The following NCOR2 variants were observed in gnomAD, a reference collection of about 807,000 sequenced individuals.
NCOR2 encodes the protein CTG repeat protein 26.
In NCOR2, 81 loss-of-function variants were observed where a neutral mutation model predicts 262.9. The ratio of observed to expected loss-of-function variants is 0.31; its 90% CI spans 0.26 to 0.37. The LOEUF is 0.37. Ranked by LOEUF, NCOR2 falls within the 10% of genes least tolerant of loss-of-function variation. The probability of loss-of-function intolerance (pLI) is 1.00; values close to 1 mark genes in which losing one functional copy is unlikely to be tolerated. For synonymous variants in NCOR2, 1,659 were observed against 1,559.3 expected, an observed-to-expected ratio of 1.06 and a Z score of -1.51; for missense variants, 3,385 against 3,621.4, an observed-to-expected ratio of 0.93 and a Z score of 1.68.
rs747503679 is a variant in NCOR2, at chr12:124,334,635, G to T, written c.6412-18C>A. 44 of 1,352,660 alleles carry T rather than the reference G, an allele frequency of 3.3e-5. No homozygotes were observed. The South Asian group carries it at 6.2e-4, about 19-fold the overall frequency. 83.8% of individuals were successfully genotyped at this position (1,352,660 alleles called of 1,614,324 possible). A position where few individuals can be genotyped will look rare whatever the true frequency, so the allele number is the denominator to read the frequency against. On this transcript the variant is annotated intron_variant, in intron 40 of 46. Transcript: ENST00000405201. ...ATGACCTCCTGCAGGCAAGTGGGGG[G>T]GCCCAGAGTCAGGCAGCACTCTCCT...
At chr12:124,425,245 C>T (rs991367784) in intron 11 of NCOR2, among the ~76,000 whole-genome samples, 15 of 151,966 alleles carry the variant, frequency 9.9e-5, no homozygotes, top group Non-Finnish European at 2.1e-4. Context: ...ATGGTGGTGG[C>T]CGCCTGTAGT....
At position 124,384,590 on chromosome 12, in the gene NCOR2, G is replaced by A. The variant is rs574624371; in HGVS notation, c.2019+1155C>T. On this transcript the variant is annotated intron_variant, in intron 17 of 46. Coordinates refer to ENST00000405201, the Ensembl canonical transcript of NCOR2. ...CACTAAGAACCCACTCGGGAGGGTG[G>A]AAGGATGTCCTTAAATTCTGCACAG... is the stretch of plus-strand genomic sequence containing the variant. 3.4e-4 allele frequency among the ~76,000 whole-genome samples: 52 copies of A among 152,272 alleles called. No homozygotes were observed. The Middle Eastern group carries it at 0.01, about 30-fold the overall frequency.
At chr12:124,405,767 G>A (rs2042241644) in intron 13 of NCOR2, among the ~76,000 whole-genome samples, 1 of 152,192 alleles carries the variant, frequency 6.6e-6, no homozygotes, top group South Asian at 2.1e-4. Context: ...GGGGGACCCG[G>A]CAGCCGGCTC....
Position 124,342,084 on chromosome 12 carries a change from A to G in NCOR2, c.4937-10T>C. 6.2e-7 allele frequency: 1 copy of G among 1,600,802 alleles called. No homozygotes were observed. The highest frequency in any genetic ancestry group is 8.5e-7 in the Non-Finnish European group (1 of 1,173,474). On this transcript the variant is annotated splice_polypyrimidine_tract_variant and intron_variant, in intron 33 of 46. Transcript: ENST00000405201. ...AGGTAGTAGGCAGCGGCTGCGGGGC[A>G]GAGGGGAGCTCATGTGAGGCCAGCC...
intron 2 of NCOR2, among the ~76,000 whole-genome samples, chr12:124,484,628 C>T (rs932507876): frequency 6.6e-6 from 1 of 152,240 alleles, no homozygotes; most frequent in Non-Finnish European, 1.5e-5. Context: ...AGGGCCTTTG[C>T]ACCTGCTGGG....
At chr12:124,392,485 AC>A (rs2041378041) in intron 16 of NCOR2, among the ~76,000 whole-genome samples, 1 of 151,230 alleles carries the variant, frequency 6.6e-6, no homozygotes, top group African/African-American at 2.4e-5. Flanking sequence ...CTGGTATACC[AC>A]CCCTCCTGAG....
At chr12:124,473,003 G>C in exon 4 of NCOR2, 1 of 1,614,116 alleles carries the variant, frequency 6.2e-7, no homozygotes, top group Non-Finnish European at 8.5e-7. Context: ...TGATCTCTCG[G>C]TCCACGCGGT....
chr12:124,495,300 T>A, upstream of NCOR2: 1 of 1,571,470 alleles, frequency 6.4e-7, no homozygotes, highest in Non-Finnish European at 8.6e-7. The surrounding 1 kb of genome is among the most constrained non-coding windows in gnomAD (Gnocchi z 4.4). Context: ...ATAAGCTTTC[T>A]CTTAATCACC....
chr12:124,480,807 C>T (rs1034997162), intron 3 of NCOR2, among the ~76,000 whole-genome samples: 7 of 101,452 alleles, frequency 6.9e-5, no homozygotes, highest in Non-Finnish European at 9.7e-5. Context: ...GGACTCCAGG[C>T]GAGTGGGGGA....
chr12:124,493,401 G>A (rs2048200906), intron 1 of NCOR2, among the ~76,000 whole-genome samples: 1 of 152,218 alleles, frequency 6.6e-6, no homozygotes, highest in Admixed American at 6.5e-5. Flanking sequence ...AGAGCGGGCT[G>A]GCCCTGAGCC....
rs571881385 is a variant in NCOR2, at chr12:124,473,737, CTG to C, written c.412-608_412-607del. Among the ~76,000 whole-genome samples the C allele has an allele frequency of 2.4e-4, 37 of 152,298 alleles. 2 individuals carry two copies. In the South Asian group the frequency reaches 7.7e-3, roughly 32 times the overall value. On this transcript the variant is annotated intron_variant, in intron 3 of 46. Transcript: ENST00000405201. The stretch of plus-strand genomic sequence containing the variant: ...GTGAGCCCTCCACAGCCACATGGAA[CTG>C]TGAGTACAATTAAACCTCTTTCTTT...
At chr12:124,365,084 G>C (rs1036514173) in intron 20 of NCOR2, among the ~76,000 whole-genome samples, 1 of 152,120 alleles carries the variant, frequency 6.6e-6, no homozygotes, top group African/African-American at 2.4e-5. Flanking sequence ...TGGGGGTATG[G>C]AAGCAGCCCG....
At position 124,523,808 on chromosome 12, in the gene NCOR2, GC is replaced by G. The variant is rs979799570; in HGVS notation, c.-118+11756del. On this transcript the variant is annotated intron_variant, in intron 1 of 46. Coordinates refer to the NCOR2 transcript ENST00000404621. This position sits in a 1 kb window ranked among gnomAD's most constrained non-coding sequence, Gnocchi z 4.0. ...CATTAATACATACTGGGAAACTGAG[GC>G]AGAGAGCAGTGAAGTGACTTGCCCA... is the stretch of plus-strand genomic sequence containing the variant. 6.6e-6 allele frequency among the ~76,000 whole-genome samples: 1 copy of G among 152,180 alleles called. No homozygotes were observed. Among genetic ancestry groups the G allele is most frequent in the African/African-American group, 2.4e-5 (1 of 41,422 alleles).
intron 1 of NCOR2, among the ~76,000 whole-genome samples, chr12:124,541,832 GA>G (rs556194393): frequency 7.7e-4 from 15 of 19,566 alleles, no homozygotes; most frequent in Non-Finnish European, 1.2e-3. Context: ...GATGGAGGGG[GA>G]TGGGGAGTGG....
chr12:124,330,791 G>C, intron 44 of NCOR2, 54 bp downstream of exon 46: 1 of 1,533,026 alleles, frequency 6.5e-7, no homozygotes, highest in Non-Finnish European at 8.9e-7. Flanking sequence ...AGCAGGGGTG[G>C]GGAGGGAGCG....
At position 124,378,432 on chromosome 12, in the gene NCOR2, G is replaced by C. The variant is rs983971187; in HGVS notation, c.2020-48C>G. On this transcript the variant is annotated intron_variant, in intron 17 of 46. Coordinates refer to ENST00000405201, the Ensembl canonical transcript of NCOR2. This position sits in a 1 kb window ranked among gnomAD's most constrained non-coding sequence, Gnocchi z 4.2. Reference sequence around the variant, plus strand: ...ATCAGGACTGGGGCCTGGGCTGTCAGCTCGGGGACTCCCCATGCCTGGGGC... The same window carrying C: ...ATCAGGACTGGGGCCTGGGCTGTCACCTCGGGGACTCCCCATGCCTGGGGC... 1.9e-6 allele frequency: 3 copies of C among 1,551,828 alleles called. No individual in the cohort carries two copies. In the Admixed American group the frequency reaches 5.5e-5, roughly 29 times the overall value.
In NCOR2 at chr12:124,534,085, G is replaced by A. The variant is rs191388469; in HGVS notation, c.-118+1480C>T. The stretch of plus-strand genomic sequence containing the variant: ...GTTCCCAGGCTACCACCTGTACGGC[G>A]TGTGGCTGGACTGACTCCCACAGGC... On this transcript the variant is annotated intron_variant, in intron 1 of 46. Transcript: ENST00000404621. 1.4e-3 allele frequency among the ~76,000 whole-genome samples: 210 copies of A among 152,174 alleles called. 2 individuals are homozygous for A. The highest frequency in any genetic ancestry group is 4.8e-3 in the African/African-American group (200 of 41,500).
Position 124,325,384 on chromosome 12 carries a change from C to CCCCCG in NCOR2, c.*13_*17dup, listed in dbSNP as rs1555297264. 2.5e-5 allele frequency: 12 copies of CCCCCG among 486,692 alleles called. No individual in the cohort carries two copies. The South Asian group carries it at 5.1e-4, about 21-fold the overall frequency. 30.1% of individuals were successfully genotyped at this position (486,692 alleles called of 1,614,324 possible). On this transcript the variant is annotated 3_prime_UTR_variant, in exon 47 of 47. Transcript: ENST00000405201. ...TCGCTGGGACCTGACACCGCCCCCC[C>CCCCCG]CCCCGCCCTGTTCTGAGTCACTCGC...
At chr12:124,441,261 A>G (rs144089254) in intron 7 of NCOR2, among the ~76,000 whole-genome samples, 145 of 152,282 alleles carry the variant, frequency 9.5e-4, no homozygotes, top group African/African-American at 3.2e-3. Context: ...GAATTGCCAA[A>G]AACAAAAGAA....
Sources: gnomAD v4.1 joint callset for allele counts (sites outside exome capture counted in the v4.1 genomes callset) on GRCh38, gnomAD v4.1.1 for gene constraint, Gnocchi (gnomAD v3.1) non-coding constraint, MANE v1.5 for transcripts, NCBI Gene and HGNC (gene_info 2026-07-23, HGNC 2026-07-21) for gene names.